PLA2R1: variants seen among roughly 807,000 people sequenced by gnomAD.
PLA2R1 encodes the protein phospholipase A2 receptor 1.
A neutral mutation model predicts 195.9 loss-of-function variants in PLA2R1; 158 were observed. The observed-to-expected ratio is 0.81, with a 90% CI of 0.71 to 0.92. The LOEUF (loss-of-function observed/expected upper bound fraction) is 0.92, where lower values mean the gene tolerates loss of function less well. Among genes scored for constraint, PLA2R1 ranks in the 40% least tolerant of loss-of-function variants. The pLI is 0.00. For synonymous variants in PLA2R1, 586 were observed against 598.2 expected, an observed-to-expected ratio of 0.98 and a Z score of 0.30; for missense variants, 1,626 against 1,764.6, an observed-to-expected ratio of 0.92 and a Z score of 1.41.
Position 159,946,860 on chromosome 2 carries a change from A to C in PLA2R1, c.3908T>G (p.Leu1303Arg). 1 of 1,611,640 alleles carries C rather than the reference A, an allele frequency of 6.2e-7. No individual in the cohort carries two copies. Among genetic ancestry groups the C allele is most frequent in the Non-Finnish European group, 8.5e-7 (1 of 1,179,062 alleles). ...EAENAFLLEELFAFGSSVQMV... is the reference protein window; with the variant it reads ...EAENAFLLEERFAFGSSVQMV... ...CTGGACAGAAGAACCAAAAGCAAAC[A>C]GCTCTTCTAGGAGAAATGCATTTTC... Residue 1303 changes from leucine to arginine, a missense_variant, in exon 27 of 30, where the codon CTG becomes CGG. Leu to Arg is a moderately radical substitution (Grantham distance 102). Coordinates refer to ENST00000283243, the MANE Select transcript of PLA2R1 (RefSeq NM_007366.5).
Position 159,951,518 on chromosome 2 carries a change from T to C in PLA2R1, c.3362A>G (p.Tyr1121Cys). The C allele has an allele frequency of 6.2e-7, 1 of 1,608,144 alleles. No homozygotes were observed. The highest frequency in any genetic ancestry group is 8.5e-7 in the Non-Finnish European group (1 of 1,174,320). Residue 1121 changes from tyrosine (Y) to cysteine (C), a missense_variant, in exon 24 of 30, where the codon TAT becomes TGT. Transcript: ENST00000283243. ...DMYPMPNTLE[Y>C]GNRTYKIINA... is the part of the protein sequence containing the mutation. ...AATTATTTTGTAAGTTCTGTTTCCATATTCTAAGGTATTGGGCATTGGATA... is the reference window on the plus strand; with the variant it reads ...AATTATTTTGTAAGTTCTGTTTCCACATTCTAAGGTATTGGGCATTGGATA...
At chr2:159,929,225 G>A (rs537346205), downstream of PLA2R1, among the ~76,000 whole-genome samples, 4 of 152,254 alleles carry the variant, frequency 2.6e-5, no homozygotes, top group East Asian at 5.8e-4. Flanking sequence ...AACCTACAGA[G>A]TGGGAGAAAA....
At position 160,015,006 on chromosome 2, in the gene PLA2R1, A is replaced by C. The variant is rs538046990; in HGVS notation, c.1551+1608T>G. Among the ~76,000 whole-genome samples, 8 of 152,354 alleles carry C rather than the reference A, an allele frequency of 5.3e-5. No homozygotes were observed. The South Asian group carries it at 1.0e-3, about 20-fold the overall frequency. ...CTGCTTAGCAAAACAAACAAACAAAAAAATCCAATAACTGAACCAGCTCAA... is the reference window on the plus strand; with the variant it reads ...CTGCTTAGCAAAACAAACAAACAAACAAATCCAATAACTGAACCAGCTCAA... On this transcript the variant is annotated intron_variant, in intron 9 of 29. Transcript: ENST00000283243.
At chr2:159,972,117 T>A (rs552024542) in intron 17 of PLA2R1, among the ~76,000 whole-genome samples, 9 of 152,250 alleles carry the variant, frequency 5.9e-5, no homozygotes, top group African/African-American at 1.7e-4. Context: ...TAAGGACCTC[T>A]AAAGAGAAAT....
At chr2:159,946,217 G>T (rs924195570) in intron 27 of PLA2R1, 19 of 953,280 alleles carry the variant, frequency 2.0e-5, no homozygotes, top group African/African-American at 1.9e-4. Flanking sequence ...CAATGTTGGT[G>T]ATTAAAATAC....
At chr2:160,048,864 A>G (rs1414554606) in intron 1 of PLA2R1, among the ~76,000 whole-genome samples, 3 of 143,310 alleles carry the variant, frequency 2.1e-5, no homozygotes, top group African/African-American at 5.3e-5. Flanking sequence ...TTTTTGAGAC[A>G]GAGTCTCGCT....
chr2:159,955,655 A>G lies in PLA2R1; in HGVS notation c.3153+43T>C, dbSNP rs1688038463. On this transcript the variant is annotated intron_variant, in intron 22 of 29. Coordinates refer to ENST00000283243, the MANE Select transcript of PLA2R1 (RefSeq NM_007366.5). The stretch of plus-strand genomic sequence containing the variant: ...TTAGTAAACAAATCTTGAATAAAAT[A>G]TCTTGCCAAAGTGATCTCCAAAAAA... 3 of 1,129,908 alleles carry G rather than the reference A, an allele frequency of 2.7e-6. 1 individual carries two copies. The highest frequency in any genetic ancestry group is 3.6e-6 in the Non-Finnish European group (3 of 833,286). The allele number at this position is 1,129,908 out of a possible 1,614,324, so 70.0% of individuals were successfully genotyped here.
At chr2:160,034,730 C>T (rs546239067) in intron 3 of PLA2R1, among the ~76,000 whole-genome samples, 5 of 152,110 alleles carry the variant, frequency 3.3e-5, no homozygotes, top group African/African-American at 7.2e-5. Context: ...GTCAGGAGTT[C>T]GAGACCAGCC....
At chr2:160,021,596 G>C (rs1019303371) in intron 7 of PLA2R1, among the ~76,000 whole-genome samples, 4 of 152,164 alleles carry the variant, frequency 2.6e-5, no homozygotes, top group African/African-American at 9.7e-5. Flanking sequence ...TGGAGATACA[G>C]AGCAGGATAA....
At chr2:159,983,720 A>G (rs941609975) in intron 13 of PLA2R1, among the ~76,000 whole-genome samples, 1 of 152,196 alleles carries the variant, frequency 6.6e-6, no homozygotes, top group Non-Finnish European at 1.5e-5. Context: ...TCAAATATCT[A>G]AACAATTGTC....
rs1454621195 is a variant in PLA2R1, at chr2:159,999,416, G to A, written c.1834+6236C>T. The stretch of plus-strand genomic sequence containing the variant: ...GTCTCGCTCTGTCGCCCAGGCTGGA[G>A]TGCAGTGGCGGGATCTCGGCTCACT... On this transcript the variant is annotated intron_variant, in intron 11 of 29. Coordinates refer to ENST00000283243, the MANE Select transcript of PLA2R1 (RefSeq NM_007366.5). Among the ~76,000 whole-genome samples, 4 of 3,078 alleles carry A rather than the reference G, an allele frequency of 1.3e-3. 2 individuals are homozygous for A. The African/African-American group carries it at 0.017, about 13-fold the overall frequency. The allele number at this position is 3,078 out of a possible 152,430, so 2.0% of individuals were successfully genotyped here.
At chr2:159,963,468 G>A (rs1688582614) in intron 20 of PLA2R1, among the ~76,000 whole-genome samples, 1 of 152,120 alleles carries the variant, frequency 6.6e-6, no homozygotes, top group African/African-American at 2.4e-5. Context: ...CAGAATGACT[G>A]AAAATATTTA....
At chr2:160,015,736 A>C (rs920108057) in intron 9 of PLA2R1, among the ~76,000 whole-genome samples, 8 of 152,222 alleles carry the variant, frequency 5.3e-5, no homozygotes, top group African/African-American at 1.9e-4. Context: ...CGGCATATCT[A>C]CTATCCAACT....
chr2:160,029,087 T>C (rs113915807), intron 4 of PLA2R1, 124 bp from the exon 5 acceptor site: 3 of 644,066 alleles, frequency 4.7e-6, no homozygotes, highest in African/African-American at 1.8e-5. Context: ...GTGCACAGAA[T>C]GCACGTGGTG....
intron 11 of PLA2R1, among the ~76,000 whole-genome samples, chr2:160,000,422 G>A (rs935076230): frequency 1.3e-5 from 2 of 152,200 alleles, no homozygotes; most frequent in Non-Finnish European, 2.9e-5. Flanking sequence ...TTTTAAAGCA[G>A]TCCTTAGTTG....
At position 160,005,687 on chromosome 2, in the gene PLA2R1, G is replaced by T. The variant is rs145687288; in HGVS notation, c.1799C>A (p.Pro600Gln). 121 of 1,614,034 alleles carry T rather than the reference G, an allele frequency of 7.5e-5. 1 individual carries two copies. The African/African-American group carries it at 1.5e-3, about 20-fold the overall frequency. The change falls in exon 11 of 30, where the codon CCG becomes CAG. Residue 600 changes from proline to glutamine, a missense_variant. By Grantham distance (76) the Pro-to-Gln change is moderately conservative. Coordinates refer to ENST00000283243, the MANE Select transcript of PLA2R1 (RefSeq NM_007366.5). Reference protein sequence around the residue: ...TWKPVGQKPEPVQYTHWNTHQ... With the variant: ...TWKPVGQKPEQVQYTHWNTHQ... ...TGTGTTCCAGTGTGTGTACTGCACC[G>T]GCTCGGGTTTCTGCCCTACTGGCTT...
At position 160,062,505 on chromosome 2, in the gene PLA2R1, G is replaced by C. The variant is rs761568752; in HGVS notation, c.-102C>G. ...CACCCGGCCCCGCCGCGCGGAAGCG[G>C]ATCCGTAGCCTCCTCCGCGCCCCAC... On this transcript the variant is annotated 5_prime_UTR_variant, in exon 1 of 30. It adds an upstream start codon to the 5' untranslated region. Transcript: ENST00000283243. 7.1e-7 allele frequency: 1 copy of C among 1,409,226 alleles called. No individual in the cohort carries two copies. The highest frequency in any genetic ancestry group is 9.2e-7 in the Non-Finnish European group (1 of 1,088,456). 87.3% of individuals were successfully genotyped at this position (1,409,226 alleles called of 1,614,324 possible).
intron 11 of PLA2R1, among the ~76,000 whole-genome samples, chr2:159,998,205 A>G (rs368659270): frequency 6.6e-6 from 1 of 152,184 alleles, no homozygotes; most frequent in Non-Finnish European, 1.5e-5. Flanking sequence ...CAATGTCACT[A>G]TCTGTAGCTT....
chr2:160,005,506 C>A, intron 11 of PLA2R1, 146 bp downstream of exon 11: 1 of 576,792 alleles, frequency 1.7e-6, no homozygotes, highest in Admixed American at 3.2e-5. Flanking sequence ...CCATATGTCA[C>A]CCCCTGTTAA....
Sources: allele counts gnomAD v4.1 joint callset (sites outside exome capture counted in the v4.1 genomes callset), GRCh38; gene constraint gnomAD v4.1.1; transcripts MANE v1.5; gene names NCBI Gene and HGNC (gene_info 2026-07-23, HGNC 2026-07-21).